Variants in PAXIP1 observed in about 807,000 individuals in gnomAD.
PAXIP1 encodes the protein PAX-interacting protein 1.
PAXIP1 carries 19 observed loss-of-function variants against 140.6 expected under a neutral mutation model. The ratio of observed to expected loss-of-function variants is 0.14; its 90% CI spans 0.09 to 0.20. The LOEUF is 0.20. Among genes scored for constraint, PAXIP1 ranks in the 10% least tolerant of loss-of-function variants. PAXIP1 has a pLI of 1.00. For missense variants in PAXIP1, 920 were observed against 1,208.6 expected, an observed-to-expected ratio of 0.76 and a Z score of 3.54; for synonymous variants, 442 against 444.6, an observed-to-expected ratio of 0.99 and a Z score of 0.07.
intron 4 of PAXIP1, among the ~76,000 whole-genome samples, chr7:154,990,191 A>G (rs1217218298): frequency 6.6e-6 from 1 of 151,778 alleles, no homozygotes; most frequent in African/African-American, 2.4e-5. Context: ...ACAGGTGCGC[A>G]CCACCATTCC....
rs1363816453 is a variant in PAXIP1, at chr7:154,960,893, C to G, written c.2434G>C (p.Asp812His). 1.3e-6 allele frequency: 2 copies of G among 1,561,172 alleles called. No homozygotes were observed. The highest frequency in any genetic ancestry group is 1.7e-6 in the Non-Finnish European group (2 of 1,155,088). Reference protein sequence around the residue: ...PTQHLVLNLLDAWRVPLKVSA... With the variant: ...PTQHLVLNLLHAWRVPLKVSA... ...TTGCAGCATGTAGAATTTCACTTAC[C>G]TAAAAGATTTAAAACTAAATGCTGG... Residue 812 changes from aspartate (D) to histidine (H), a missense_variant and splice_region_variant, in exon 12 of 21, where the codon GAT (aspartate) becomes CAT (histidine). Transcript: ENST00000404141.
Position 154,946,011 on chromosome 7 carries a change from G to C in PAXIP1, c.3194+354C>G. 1 of 984,712 alleles carries C rather than the reference G, an allele frequency of 1.0e-6. No homozygotes were observed. The highest frequency in any genetic ancestry group is 1.2e-6 in the Non-Finnish European group (1 of 829,414). The allele number at this position is 984,712 out of a possible 1,614,324, so 61.0% of individuals were successfully genotyped here. A position where few individuals can be genotyped will look rare whatever the true frequency, so the allele number is the denominator to read the frequency against. ...ACTATATACGAACTAAATTTCATTTGGAAAACTACAAACTCAAAGGTGAGC... is the reference window on the plus strand; with the variant it reads ...ACTATATACGAACTAAATTTCATTTCGAAAACTACAAACTCAAAGGTGAGC... On this transcript the variant is annotated intron_variant, in intron 20 of 20. Transcript: ENST00000404141. The surrounding 1 kb of genome is among the most constrained non-coding windows in gnomAD (Gnocchi z 4.9).
chr7:154,945,980 A>G, intron 20 of PAXIP1: 6 of 985,178 alleles, frequency 6.1e-6, no homozygotes, highest in Non-Finnish European at 7.2e-6. Context: ...GTTCCTGAGT[A>G]CAAAGACTAT....
intron 5 of PAXIP1, among the ~76,000 whole-genome samples, chr7:154,977,276 A>G (rs1049734480): frequency 1.3e-5 from 2 of 152,264 alleles, no homozygotes; most frequent in Admixed American, 6.5e-5. Context: ...TAACCTTAAA[A>G]TAAATGAGTT....
intron 1 of PAXIP1, chr7:155,001,427 C>T (rs1810882742): frequency 1.3e-5 from 2 of 151,220 alleles, no homozygotes; most frequent in Admixed American, 1.3e-4. Flanking sequence ...AAAGCTAACA[C>T]TGTTACAGGC....
At chr7:154,975,629 TGAA>T in intron 6 of PAXIP1, 64 bp downstream of exon 6, 1 of 1,119,742 alleles carries the variant, frequency 8.9e-7, no homozygotes, top group Non-Finnish European at 1.3e-6. Context: ...TAAACTACAT[TGAA>T]ATAGACTGTG....
rs1351046114 is a variant in PAXIP1 at position 154,973,194 on chromosome 7, C to A, written c.1074+2502G>T. ...CCTCCTCATCTTGGTGGCCTTCTCCCCATTTCCTCAGCCACACATTCCCAA... is the reference window on the plus strand; with the variant it reads ...CCTCCTCATCTTGGTGGCCTTCTCCACATTTCCTCAGCCACACATTCCCAA... On this transcript the variant is annotated intron_variant, in intron 6 of 20. Coordinates refer to ENST00000404141, the MANE Select transcript of PAXIP1 (RefSeq NM_007349.4). The surrounding 1 kb of genome is among the most constrained non-coding windows in gnomAD (Gnocchi z 4.0). Among the ~76,000 whole-genome samples, 1 of 152,212 alleles carries A rather than the reference C, an allele frequency of 6.6e-6. No homozygotes were observed. The highest frequency in any genetic ancestry group is 1.5e-5 in the Non-Finnish European group (1 of 68,036).
chr7:154,963,641 C>G lies in PAXIP1; in HGVS notation c.1989+30G>C. On this transcript the variant is annotated intron_variant, in intron 9 of 20. Transcript: ENST00000404141. The surrounding 1 kb of genome is among the most constrained non-coding windows in gnomAD (Gnocchi z 4.1). ...CATATTAAAAATGCCAGACCTTGCT[C>G]CTGGTCGCAGCTAAGGCTATTTTCC... 6.7e-7 allele frequency: 1 copy of G among 1,485,790 alleles called. No individual in the cohort carries two copies. Among genetic ancestry groups the G allele is most frequent in the Non-Finnish European group, 9.4e-7 (1 of 1,069,414 alleles). 92.0% of individuals were successfully genotyped at this position (1,485,790 alleles called of 1,614,324 possible). A position where few individuals can be genotyped will look rare whatever the true frequency, so the allele number is the denominator to read the frequency against.
chr7:154,967,714 G>A lies in PAXIP1; in HGVS notation c.1893+102C>T, dbSNP rs933736395. 4.0e-6 allele frequency: 3 copies of A among 744,610 alleles called. No individual in the cohort carries two copies. The Admixed American group carries it at 7.3e-5, about 18-fold the overall frequency. 46.1% of individuals were successfully genotyped at this position (744,610 alleles called of 1,614,324 possible). On this transcript the variant is annotated intron_variant, in intron 8 of 20. Transcript: ENST00000404141. ...TGCCCGTCACACATTCAGAACACGTGCAGGTGCAGCTCAGTGAATGCAGCT... is the reference window on the plus strand; with the variant it reads ...TGCCCGTCACACATTCAGAACACGTACAGGTGCAGCTCAGTGAATGCAGCT...
chr7:154,967,966 CA>C lies in PAXIP1; in HGVS notation c.1799-57del, dbSNP rs572836448. 63 of 1,187,590 alleles carry C rather than the reference CA, an allele frequency of 5.3e-5. No homozygotes were observed. In the African/African-American group the frequency reaches 8.5e-4, roughly 16 times the overall value. The allele number at this position is 1,187,590 out of a possible 1,614,324, so 73.6% of individuals were successfully genotyped here. On this transcript the variant is annotated intron_variant, in intron 7 of 20. Transcript: ENST00000404141. Reference sequence around the variant, plus strand: ...TTAAAACCCTATGAATATGCTTGCACAAAAGTTAAAAAGTGGCGCCTCACAA... The same window carrying C: ...TTAAAACCCTATGAATATGCTTGCACAAAGTTAAAAAGTGGCGCCTCACAA...
intron 2 of PAXIP1, among the ~76,000 whole-genome samples, chr7:154,993,985 T>A (rs1240181481): frequency 1.3e-5 from 2 of 152,176 alleles, no homozygotes; most frequent in African/African-American, 4.8e-5. Context: ...CACTACCATA[T>A]TTTTTTAAAA....
chr7:154,982,685 GC>G (rs1444757449), intron 5 of PAXIP1, among the ~76,000 whole-genome samples: 1 of 152,168 alleles, frequency 6.6e-6, no homozygotes, highest in Non-Finnish European at 1.5e-5. Context: ...CCCAAGGGGG[GC>G]AGATGCTGCT....
intron 2 of PAXIP1, among the ~76,000 whole-genome samples, chr7:154,995,965 A>G (rs1810582872): frequency 6.6e-6 from 1 of 152,258 alleles, no homozygotes; most frequent in Non-Finnish European, 1.5e-5. Flanking sequence ...TGCCCAAAGA[A>G]GCAAGTTTTA....
intron 20 of PAXIP1, chr7:154,944,825 C>T (rs1807857878): frequency 6.6e-6 from 1 of 152,038 alleles, no homozygotes; most frequent in African/African-American, 2.4e-5. Flanking sequence ...ATCAGTAGCT[C>T]CTACAATAAT....
intron 8 of PAXIP1, chr7:154,964,037 GTA>G: frequency 2.6e-6 from 1 of 389,912 alleles, no homozygotes; most frequent in South Asian, 2.6e-5. Context: ...CAAGCTCAAT[GTA>G]ACTGCCACTC....
intron 16 of PAXIP1, chr7:154,948,870 T>C (rs1435494297): frequency 6.6e-6 from 1 of 152,064 alleles, no homozygotes; most frequent in African/African-American, 2.4e-5. Flanking sequence ...TTTAAAGATT[T>C]ACCAAACACA....
intron 10 of PAXIP1, among the ~76,000 whole-genome samples, chr7:154,961,926 G>A (rs1042862163): frequency 8.5e-5 from 13 of 152,276 alleles, no homozygotes; most frequent in South Asian, 2.1e-4. Context: ...CAACAGTTAT[G>A]TTATAAAGCA....
chr7:154,947,425 T>C (rs1393421267), intron 17 of PAXIP1: 2 of 155,754 alleles, frequency 1.3e-5, no homozygotes, highest in African/African-American at 2.4e-5. Flanking sequence ...AAAAAATTCC[T>C]AGCTGTTCTA....
intron 1 of PAXIP1, 71 bp downstream of exon 1, chr7:155,002,778 A>T: frequency 1.4e-6 from 1 of 721,454 alleles, no homozygotes; most frequent in Non-Finnish European, 1.8e-6. Flanking sequence ...AGGAGCGGGG[A>T]CGGGGACGGG....
Sources: allele counts gnomAD v4.1 joint callset (sites outside exome capture counted in the v4.1 genomes callset), GRCh38; gene constraint gnomAD v4.1.1; non-coding constraint Gnocchi (gnomAD v3.1); transcripts MANE v1.5; gene names NCBI Gene and HGNC (gene_info 2026-07-23, HGNC 2026-07-21).